The following CADPS variants were observed in gnomAD, a reference collection of about 807,000 sequenced individuals.
CADPS encodes the protein calcium dependent secretion activator, also known as calcium-dependent secretion activator 1.
A neutral mutation model predicts 167.3 loss-of-function variants in CADPS; 57 were observed. That is an observed-to-expected ratio of 0.34 (90% CI 0.28 to 0.42). CADPS has a LOEUF of 0.42. Among genes scored for constraint, CADPS ranks in the 20% least tolerant of loss-of-function variants. CADPS has a pLI of 1.00. For synonymous variants in CADPS, 676 were observed against 635.3 expected (o/e 1.06, Z -0.96); for missense variants, 1,414 against 1,738.1 (o/e 0.81, Z 3.32).
At chr3:62,695,881 A>G (rs1188152710) in intron 3 of CADPS, among the ~76,000 whole-genome samples, 1 of 152,070 alleles carries the variant, frequency 6.6e-6, no homozygotes, top group Non-Finnish European at 1.5e-5. Context: ...CCATGCTCTG[A>G]GCCCATATTA....
At chr3:62,422,344 A>G (rs894564576) in intron 28 of CADPS, among the ~76,000 whole-genome samples, 2 of 152,212 alleles carry the variant, frequency 1.3e-5, no homozygotes, top group African/African-American at 2.4e-5. Flanking sequence ...CTTTAGAAAC[A>G]ATGCATATAG....
At chr3:62,508,801 T>G (rs1431079960) in intron 17 of CADPS, among the ~76,000 whole-genome samples, 2 of 152,224 alleles carry the variant, frequency 1.3e-5, no homozygotes, top group African/African-American at 4.8e-5. Context: ...ACATCTTTTT[T>G]TCTGATAGAA....
At chr3:62,425,133 A>C (rs1440947780) in intron 28 of CADPS, among the ~76,000 whole-genome samples, 1 of 152,230 alleles carries the variant, frequency 6.6e-6, no homozygotes, top group Non-Finnish European at 1.5e-5. Context: ...AAATAAAGTT[A>C]TGAAGTCTTG....
intron 1 of CADPS, among the ~76,000 whole-genome samples, chr3:62,818,633 G>T (rs970319523): frequency 5.9e-5 from 9 of 152,206 alleles, no homozygotes; most frequent in Admixed American, 2.6e-4. Context: ...CGGTTTGGCA[G>T]ATGAGATAAA....
At chr3:62,423,862 G>C (rs769585187) in intron 28 of CADPS, among the ~76,000 whole-genome samples, 6 of 152,172 alleles carry the variant, frequency 3.9e-5, no homozygotes, top group Admixed American at 6.6e-5. Context: ...CATTTAACAA[G>C]ATGGTGCTGC....
intron 28 of CADPS, among the ~76,000 whole-genome samples, chr3:62,427,256 T>C (rs570455624): frequency 1.1e-4 from 16 of 152,250 alleles, no homozygotes; most frequent in Admixed American, 3.3e-4. Context: ...TTTTATTTTT[T>C]AGCTCCTAAA....
intron 13 of CADPS, among the ~76,000 whole-genome samples, chr3:62,518,887 T>TCTA (rs2069684764): frequency 1.3e-5 from 2 of 152,316 alleles, no homozygotes; most frequent in Admixed American, 6.5e-5. Flanking sequence ...ATTTAAGTGC[T>TCTA]CATGTATTCG....
intron 16 of CADPS, 23 bp from the exon 17 acceptor site, chr3:62,512,791 C>T (rs1024133974): frequency 6.3e-7 from 1 of 1,599,786 alleles, no homozygotes; most frequent in Non-Finnish European, 8.5e-7. Context: ...GAGAGCACAA[C>T]AAGGAGAGAA....
Position 62,508,378 on chromosome 3 carries a change from C to A in CADPS, c.2599+4373G>T, listed in dbSNP as rs2067075428. ...TTGTGTTATACAGTTTCATTGCTAA[C>A]AAATCACAAGCACTTTATAGTGTAG... On this transcript the variant is annotated intron_variant, in intron 17 of 29. Transcript: ENST00000383710. 2.0e-5 allele frequency among the ~76,000 whole-genome samples: 3 copies of A among 152,258 alleles called. 1 individual carries two copies. The South Asian group carries it at 6.2e-4, about 32-fold the overall frequency.
chr3:62,794,778 T>TAAA (rs71126555), intron 1 of CADPS, among the ~76,000 whole-genome samples: 1 of 99,930 alleles, frequency 1.0e-5, no homozygotes, highest in Non-Finnish European at 1.8e-5. Flanking sequence ...CGCAAGGTGG[T>TAAA]AAAAAAAAAA....
chr3:62,733,487 T>C (rs1370441195), intron 3 of CADPS, among the ~76,000 whole-genome samples: 1 of 152,240 alleles, frequency 6.6e-6, no homozygotes, highest in Non-Finnish European at 1.5e-5. Context: ...GATACTTTTG[T>C]ACAGAGCTCT....
chr3:62,698,533 T>C (rs1478582100), intron 3 of CADPS, among the ~76,000 whole-genome samples: 3 of 152,028 alleles, frequency 2.0e-5, no homozygotes, highest in African/African-American at 7.3e-5. Flanking sequence ...CCAATGTGGG[T>C]GTGACTCAGG....
intron 3 of CADPS, among the ~76,000 whole-genome samples, chr3:62,728,978 A>T (rs1312775160): frequency 6.6e-6 from 1 of 151,866 alleles, no homozygotes; most frequent in Non-Finnish European, 1.5e-5. Context: ...TCTCATCTAT[A>T]AAATGGTGGT....
At chr3:62,801,180 G>T (rs2063621) in intron 1 of CADPS, among the ~76,000 whole-genome samples, 96,192 of 152,008 alleles carry the variant, frequency 0.63, 34,000 homozygotes, top group East Asian at 0.89. Context: ...GAACACTAGT[G>T]AAATATGTGC....
chr3:62,570,901 A>G lies in CADPS; in HGVS notation c.1615T>C (p.Trp539Arg). 2 of 1,610,922 alleles carry G rather than the reference A, an allele frequency of 1.2e-6. No homozygotes were observed. Among genetic ancestry groups the G allele is most frequent in the Non-Finnish European group, 1.7e-6 (2 of 1,177,020 alleles). The change falls in exon 9 of 30, where the codon TGG (tryptophan) becomes CGG (arginine). Residue 539 changes from tryptophan (W) to arginine (R), a missense_variant. By Grantham distance (101) the Trp-to-Arg change is moderately radical. Coordinates refer to ENST00000383710, the MANE Select transcript of CADPS (RefSeq NM_003716.4). The stretch of plus-strand genomic sequence containing the variant: ...ACCAATACAAAAAACCTTTTCTTCC[A>G]TCTCTTCCAGACATTCTTACCGATG... ...WAIGKNVWKR[W>R]KKRFFVLVQV...
intron 3 of CADPS, among the ~76,000 whole-genome samples, chr3:62,670,815 A>T (rs9825646): frequency 0.15 from 22,348 of 152,134 alleles, 1,675 homozygotes; most frequent in Middle Eastern, 0.25. Flanking sequence ...TTCAAGTCTG[A>T]TGTGTCATTC....
chr3:62,684,119 A>C (rs145377557), intron 3 of CADPS, among the ~76,000 whole-genome samples: 1 of 152,024 alleles, frequency 6.6e-6, no homozygotes, highest in East Asian at 1.9e-4. Context: ...TATCTATTTA[A>C]GTTATTTGGA....
intron 3 of CADPS, among the ~76,000 whole-genome samples, 173 bp from the exon 4 acceptor site, chr3:62,662,567 A>G (rs755364859): frequency 6.6e-6 from 1 of 152,190 alleles, no homozygotes; most frequent in Non-Finnish European, 1.5e-5. Flanking sequence ...TAATTCTTCT[A>G]GACAGAGCGT....
chr3:62,567,119 T>C (rs833660), intron 9 of CADPS, among the ~76,000 whole-genome samples: 100,575 of 152,098 alleles, frequency 0.66, 38,536 homozygotes, highest in Non-Finnish European at 0.83. Flanking sequence ...GTACTTACTG[T>C]ACAGACATGG....
Sources: allele counts gnomAD v4.1 joint callset (sites outside exome capture counted in the v4.1 genomes callset), GRCh38; gene constraint gnomAD v4.1.1; transcripts MANE v1.5; gene names NCBI Gene and HGNC (gene_info 2026-07-23, HGNC 2026-07-21).